KCTD8: variants seen among roughly 807,000 people sequenced by gnomAD.
KCTD8 encodes the protein potassium channel tetramerization domain containing 8, also known as BTB/POZ domain-containing protein KCTD8.
A neutral mutation model predicts 31.5 loss-of-function variants in KCTD8; 27 were observed. That is an observed-to-expected ratio of 0.86 (90% confidence interval 0.63 to 1.18). KCTD8 has a LOEUF of 1.18. Ranked by LOEUF, KCTD8 falls within the 50% of genes most tolerant of loss-of-function variation. The pLI is 0.00. For synonymous variants in KCTD8, 290 were observed against 280.0 expected, an observed-to-expected ratio of 1.04 and a Z score of -0.36; for missense variants, 658 against 647.7, an observed-to-expected ratio of 1.02 and a Z score of -0.17.
chr4:44,210,689 T>C (rs1240368326), intron 1 of KCTD8, among the ~76,000 whole-genome samples: 3 of 152,100 alleles, frequency 2.0e-5, no homozygotes, highest in Non-Finnish European at 4.4e-5. Flanking sequence ...CCTGTAGTAA[T>C]ATACAGATGA....
intron 1 of KCTD8, among the ~76,000 whole-genome samples, chr4:44,417,366 G>A (rs371694372): frequency 3.3e-5 from 5 of 151,996 alleles, no homozygotes; most frequent in African/African-American, 4.8e-5. Context: ...GATACTACTC[G>A]CTAGGAGACC....
chr4:44,292,691 A>G (rs115332340), intron 1 of KCTD8, among the ~76,000 whole-genome samples: 6 of 152,194 alleles, frequency 3.9e-5, no homozygotes, highest in Admixed American at 2.0e-4. Flanking sequence ...TTGAGTGACT[A>G]GTTATTACAA....
intron 1 of KCTD8, among the ~76,000 whole-genome samples, chr4:44,351,720 T>G (rs986806638): frequency 3.3e-5 from 5 of 152,032 alleles, no homozygotes; most frequent in African/African-American, 1.2e-4. Flanking sequence ...GATCATAAGA[T>G]CCTTGAAATA....
intron 1 of KCTD8, among the ~76,000 whole-genome samples, chr4:44,240,616 G>C (rs1024461154): frequency 3.3e-5 from 5 of 152,158 alleles, no homozygotes; most frequent in Non-Finnish European, 7.4e-5. Context: ...TGGGACGACA[G>C]GTTCAAGTCA....
intron 1 of KCTD8, among the ~76,000 whole-genome samples, chr4:44,231,737 C>T (rs1715123076): frequency 6.6e-6 from 1 of 152,100 alleles, no homozygotes; most frequent in African/African-American, 2.4e-5. Context: ...TTTCAAGCTC[C>T]TATGAAGAAA....
intron 1 of KCTD8, among the ~76,000 whole-genome samples, chr4:44,318,480 G>T (rs1484763343): frequency 6.6e-6 from 1 of 152,056 alleles, no homozygotes; most frequent in Non-Finnish European, 1.5e-5. Flanking sequence ...CATCTGGAAC[G>T]TGAAACTTAA....
chr4:44,341,515 T>C (rs1660266499), intron 1 of KCTD8, among the ~76,000 whole-genome samples: 1 of 152,222 alleles, frequency 6.6e-6, no homozygotes. Flanking sequence ...GTTTATGGAA[T>C]AGTCTAAATG....
intron 1 of KCTD8, among the ~76,000 whole-genome samples, chr4:44,342,130 G>A: frequency 6.6e-6 from 1 of 152,134 alleles, no homozygotes; most frequent in East Asian, 1.9e-4. Context: ...CCAGCATTTT[G>A]GGAGGCCAAG....
At chr4:44,384,004 T>C (rs1720141563) in intron 1 of KCTD8, among the ~76,000 whole-genome samples, 1 of 151,908 alleles carries the variant, frequency 6.6e-6, no homozygotes. Context: ...GCAAATGATC[T>C]AAATAGAGAT....
At chr4:44,445,190 A>C (rs1413371884) in intron 1 of KCTD8, among the ~76,000 whole-genome samples, 1 of 152,234 alleles carries the variant, frequency 6.6e-6, no homozygotes, top group African/African-American at 2.4e-5. Context: ...CCCATTCAAA[A>C]TAATGTGTAA....
intron 1 of KCTD8, among the ~76,000 whole-genome samples, chr4:44,393,177 G>A (rs935499709): frequency 1.3e-5 from 2 of 151,876 alleles, no homozygotes; most frequent in African/African-American, 4.8e-5. Flanking sequence ...ATAGAAGTGT[G>A]GTATTTTCAG....
At chr4:44,438,909 AC>A (rs1721748421) in intron 1 of KCTD8, among the ~76,000 whole-genome samples, 1 of 152,228 alleles carries the variant, frequency 6.6e-6, no homozygotes, top group South Asian at 2.1e-4. Flanking sequence ...GATCCTCATA[AC>A]AAAGCTTTAA....
At chr4:44,202,988 T>C (rs1291893437) in intron 1 of KCTD8, among the ~76,000 whole-genome samples, 1 of 152,146 alleles carries the variant, frequency 6.6e-6, no homozygotes, top group East Asian at 1.9e-4. Context: ...TATCTTTTAG[T>C]ACTTTTAACA....
At chr4:44,287,892 C>T (rs1422182954) in intron 1 of KCTD8, among the ~76,000 whole-genome samples, 3 of 152,096 alleles carry the variant, frequency 2.0e-5, no homozygotes, top group Non-Finnish European at 2.9e-5. Flanking sequence ...TTCAAGGAAT[C>T]CACAGTCGAC....
intron 1 of KCTD8, among the ~76,000 whole-genome samples, chr4:44,306,220 C>A (rs566202814): frequency 2.0e-5 from 3 of 151,742 alleles, no homozygotes; most frequent in African/African-American, 4.8e-5. Context: ...AAATATAATT[C>A]GTCAGTTAAA....
chr4:44,337,588 C>T (rs1215248611), intron 1 of KCTD8, among the ~76,000 whole-genome samples: 5 of 151,092 alleles, frequency 3.3e-5, no homozygotes, highest in African/African-American at 9.7e-5. Flanking sequence ...GCAGAAGAAT[C>T]GTTTGAATCC....
At chr4:44,218,764 C>T (rs976047261) in intron 1 of KCTD8, among the ~76,000 whole-genome samples, 1 of 151,846 alleles carries the variant, frequency 6.6e-6, no homozygotes, top group African/African-American at 2.4e-5. Context: ...TCAGTATAGC[C>T]TAGTTATACA....
rs550132052 is a variant in KCTD8, at chr4:44,348,131, A to G, written c.961+99432T>C. 2.0e-5 allele frequency among the ~76,000 whole-genome samples: 3 copies of G among 152,318 alleles called. No homozygotes were observed. In the East Asian group the frequency reaches 5.8e-4, roughly 29 times the overall value. On this transcript the variant is annotated intron_variant, in intron 1 of 1. Transcript: ENST00000360029. ...CAAGGTAAAGACCATAATTAAAATG[A>G]CTGTATTACACAAAAAAGAACATGC... is the stretch of plus-strand genomic sequence containing the variant.
intron 1 of KCTD8, among the ~76,000 whole-genome samples, chr4:44,310,894 C>T (rs933472713): frequency 6.6e-6 from 1 of 152,030 alleles, no homozygotes; most frequent in African/African-American, 2.4e-5. Flanking sequence ...TACATTAACC[C>T]TTATAAATCC....
Sources: allele counts gnomAD v4.1 joint callset (sites outside exome capture counted in the v4.1 genomes callset), GRCh38; gene constraint gnomAD v4.1.1; transcripts MANE v1.5; gene names NCBI Gene and HGNC (gene_info 2026-07-23, HGNC 2026-07-21).